Variants in LYPLAL1 observed in about 807,000 individuals in gnomAD.
LYPLAL1 encodes lysophospholipase-like protein 1.
In LYPLAL1, 23 loss-of-function variants were observed where a neutral mutation model predicts 19.7. The observed-to-expected ratio is 1.17, with a 90% CI of 0.84 to 1.65. The LOEUF is 1.65. Ranked by LOEUF, LYPLAL1 falls within the 40% of genes most tolerant of loss-of-function variation. The probability of loss-of-function intolerance (pLI) is 0.00; values close to 1 mark genes in which losing one functional copy is unlikely to be tolerated. For synonymous variants in LYPLAL1, 119 were observed against 96.3 expected, an observed-to-expected ratio of 1.24 and a Z score of -1.38; for missense variants, 355 against 279.4, an observed-to-expected ratio of 1.27 and a Z score of -1.93.
chr1:219,196,336 A>G (rs916355015), intron 3 of LYPLAL1, among the ~76,000 whole-genome samples: 1 of 152,048 alleles, frequency 6.6e-6, no homozygotes, highest in Non-Finnish European at 1.5e-5. Flanking sequence ...TTGCCAGCAT[A>G]TTAAAAATTC....
At chr1:219,299,617 G>A in the LYPLAL1 span, among the ~76,000 whole-genome samples, 19 of 152,224 alleles carry the variant, frequency 1.2e-4, no homozygotes, top group South Asian at 2.7e-3. Flanking sequence ...ATAGTGGAGC[G>A]GCAGCAACTC....
At chr1:219,347,823 T>C in the LYPLAL1 span, among the ~76,000 whole-genome samples, 1 of 151,894 alleles carries the variant, frequency 6.6e-6, no homozygotes, top group African/African-American at 2.4e-5. Context: ...TATTTTCCCT[T>C]CTTTTTCACA....
At chr1:219,257,359 GT>G in the LYPLAL1 span, among the ~76,000 whole-genome samples, 11 of 94,528 alleles carry the variant, frequency 1.2e-4, no homozygotes, top group African/African-American at 4.7e-4. Flanking sequence ...ACCAGTTTTT[GT>G]TTTTTTTTTT....
the LYPLAL1 span, among the ~76,000 whole-genome samples, chr1:219,229,684 G>C: frequency 1.3e-5 from 2 of 152,184 alleles, no homozygotes; most frequent in Admixed American, 6.5e-5. Flanking sequence ...AGTATTCACC[G>C]CTAGACACTG....
At chr1:219,248,225 ACTCTTTGTGCTG>A in the LYPLAL1 span, among the ~76,000 whole-genome samples, 33 of 152,028 alleles carry the variant, frequency 2.2e-4, no homozygotes, top group South Asian at 6.0e-3. Flanking sequence ...GTGTTAAAAG[ACTCTTTGTGCTG>A]CTCTTTGAAA....
the LYPLAL1 span, among the ~76,000 whole-genome samples, chr1:219,283,354 T>C: frequency 6.6e-6 from 1 of 152,218 alleles, no homozygotes; most frequent in Non-Finnish European, 1.5e-5. Context: ...ATCTTCATCA[T>C]CCATGCCTAG....
At chr1:219,374,442 T>A in the LYPLAL1 span, among the ~76,000 whole-genome samples, 2 of 152,066 alleles carry the variant, frequency 1.3e-5, no homozygotes, top group Non-Finnish European at 2.9e-5. Flanking sequence ...CAAAGAGTGA[T>A]ATTTGATCTT....
At chr1:219,342,904 A>G in the LYPLAL1 span, among the ~76,000 whole-genome samples, 8 of 152,214 alleles carry the variant, frequency 5.3e-5, no homozygotes, top group African/African-American at 1.9e-4. Context: ...AATCACACAG[A>G]GAGGATTGAT....
At chr1:219,309,359 T>C in the LYPLAL1 span, among the ~76,000 whole-genome samples, 1 of 152,222 alleles carries the variant, frequency 6.6e-6, no homozygotes, top group African/African-American at 2.4e-5. Context: ...GACTGTGGAC[T>C]TTTGGGTCAA....
the LYPLAL1 span, among the ~76,000 whole-genome samples, chr1:219,401,913 C>T: frequency 3.3e-5 from 5 of 152,246 alleles, no homozygotes; most frequent in South Asian, 1.0e-3. Flanking sequence ...ACATATTTGA[C>T]AAATGCCCAG....
At chr1:219,404,171 A>T in the LYPLAL1 span, among the ~76,000 whole-genome samples, 1 of 152,180 alleles carries the variant, frequency 6.6e-6, no homozygotes, top group African/African-American at 2.4e-5. Context: ...TCTCATCATA[A>T]GAGCCCCATT....
chr1:219,174,021 G>T, intron 1 of LYPLAL1, 40 bp downstream of exon 1: 7 of 1,613,088 alleles, frequency 4.3e-6, no homozygotes, highest in Non-Finnish European at 5.9e-6. Flanking sequence ...TACAGCTCGG[G>T]AAACATCCTC....
At chr1:219,347,081 G>A in the LYPLAL1 span, among the ~76,000 whole-genome samples, 2 of 151,864 alleles carry the variant, frequency 1.3e-5, no homozygotes, top group African/African-American at 2.4e-5. Flanking sequence ...TCTTTTCTGT[G>A]TTTTATTCAC....
At chr1:219,314,982 G>A in the LYPLAL1 span, among the ~76,000 whole-genome samples, 1 of 152,132 alleles carries the variant, frequency 6.6e-6, no homozygotes, top group Non-Finnish European at 1.5e-5. Flanking sequence ...ATATTTGTGT[G>A]TGTACATGTT....
At chr1:219,412,090 G>T in the LYPLAL1 span, among the ~76,000 whole-genome samples, 1 of 152,234 alleles carries the variant, frequency 6.6e-6, no homozygotes, top group Admixed American at 6.5e-5. Context: ...ACTCTGTCAG[G>T]CAGGCTAGAA....
chr1:219,418,635 T>C, the LYPLAL1 span, among the ~76,000 whole-genome samples: 10 of 152,344 alleles, frequency 6.6e-5, no homozygotes, highest in South Asian at 1.5e-3. Flanking sequence ...TGAGCCTGCA[T>C]TGATCCATCA....
the LYPLAL1 span, among the ~76,000 whole-genome samples, chr1:219,444,033 A>G: frequency 6.6e-6 from 1 of 152,178 alleles, no homozygotes; most frequent in African/African-American, 2.4e-5. Flanking sequence ...GAGGACATGC[A>G]AAGTCCACAC....
At chr1:219,404,415 G>T in the LYPLAL1 span, among the ~76,000 whole-genome samples, 1 of 152,190 alleles carries the variant, frequency 6.6e-6, no homozygotes, top group Non-Finnish European at 1.5e-5. Flanking sequence ...TAAATAAGGA[G>T]ACCCTTGTCT....
chr1:219,229,337 G>GAGAGAGAGAGAGAGAGAGAGAGAC, the LYPLAL1 span, among the ~76,000 whole-genome samples: 1 of 129,990 alleles, frequency 7.7e-6, no homozygotes, highest in African/African-American at 2.8e-5. Context: ...GAGAGAGAGA[G>GAGAGAGAGAGAGAGAGAGAGAGAC]ACACGCAGGC....
Sources: gnomAD v4.1 joint callset for allele counts (sites outside exome capture counted in the v4.1 genomes callset) on GRCh38, gnomAD v4.1.1 for gene constraint, MANE v1.5 for transcripts, NCBI Gene and HGNC (gene_info 2026-07-23, HGNC 2026-07-21) for gene names.